The following GNAI2 variants were observed in gnomAD, a reference collection of about 807,000 sequenced individuals.
The protein encoded by GNAI2 is guanine nucleotide-binding protein G(i) subunit alpha-2.
A neutral mutation model predicts 36.8 loss-of-function variants in GNAI2; 4 were observed. That is an observed-to-expected ratio of 0.11 (90% CI 0.05 to 0.25). The LOEUF (loss-of-function observed/expected upper bound fraction) is 0.25, where lower values mean the gene tolerates loss of function less well. Ranked by LOEUF, GNAI2 falls within the 10% of genes least tolerant of loss-of-function variation. The pLI is 1.00. For synonymous variants in GNAI2, 194 were observed against 194.1 expected, an observed-to-expected ratio of 1.00 and a Z score of 0.01; for missense variants, 230 against 481.3, an observed-to-expected ratio of 0.48 and a Z score of 4.89.
rs1184861339 is a variant in GNAI2, at chr3:50,252,559, C to G, written c.303+21C>G. ...GAGCGGTATGTGCCCTCCGCCCCACCCTCTCCCACCTCCCAAAAGGTTTCG... is the reference window on the plus strand; with the variant it reads ...GAGCGGTATGTGCCCTCCGCCCCACGCTCTCCCACCTCCCAAAAGGTTTCG... On this transcript the variant is annotated intron_variant, in intron 3 of 8. Coordinates refer to ENST00000313601, the MANE Select transcript of GNAI2 (RefSeq NM_002070.4). The surrounding 1 kb of genome is among the most constrained non-coding windows in gnomAD (Gnocchi z 4.1). The G allele has an allele frequency of 6.9e-6, 11 of 1,599,002 alleles. No homozygotes were observed. The highest frequency in any genetic ancestry group is 1.3e-5 in the African/African-American group (1 of 74,570).
chr3:50,257,772 C>A, intron 8 of GNAI2, 58 bp downstream of exon 8: 4 of 768,324 alleles, frequency 5.2e-6, no homozygotes, highest in East Asian at 3.1e-5. Flanking sequence ...CCTGGAGCCC[C>A]AGCAGGGGGT....
intron 1 of GNAI2, 117 bp from the exon 2 acceptor site, chr3:50,251,983 G>A (rs1033775569): frequency 1.9e-6 from 2 of 1,045,008 alleles, no homozygotes; most frequent in East Asian, 5.1e-5. Context: ...CCATCTCACG[G>A]TGCAGCTGGT....
chr3:50,240,697 A>G lies in GNAI2; in HGVS notation c.118+4244A>G, dbSNP rs57687150. 7.5e-3 allele frequency among the ~76,000 whole-genome samples: 1,147 copies of G among 152,204 alleles called. 25 individuals carry two copies. The highest frequency in any genetic ancestry group is 0.026 in the African/African-American group (1,068 of 41,522). On this transcript the variant is annotated intron_variant, in intron 1 of 8. Transcript: ENST00000313601. The stretch of plus-strand genomic sequence containing the variant: ...TTTGGGAGGTTGAGGCAGGCAGATC[A>G]CCTGAGGTCAGGAGTTCAAGACCAG...
Position 50,252,523 on chromosome 3 carries a change from C to T in GNAI2, c.288C>T (p.Ala96=), listed in dbSNP as rs782375372. 1.1e-5 allele frequency: 17 copies of T among 1,613,210 alleles called. No homozygotes were observed. Among genetic ancestry groups the T allele is most frequent in the East Asian group, 2.2e-5 (1 of 44,866 alleles). The change falls in exon 3 of 9, where the codon GCC becomes GCT. Residue 96 remains alanine (A), a synonymous_variant. Transcript: ENST00000313601. This position sits in a 1 kb window ranked among gnomAD's most constrained non-coding sequence, Gnocchi z 4.1. ...TGGGCAACCTGCAGATCGACTTTGC[C>T]GACCCCTCCAGAGCGGTATGTGCCC... ...KAMGNLQIDF[A]DPSRADDARQ...
upstream of GNAI2, among the ~76,000 whole-genome samples, chr3:50,228,550 C>CAAA (rs587623155): frequency 1.1e-5 from 1 of 94,808 alleles, no homozygotes; most frequent in African/African-American, 3.4e-5. Context: ...ACTCCGTCTC[C>CAAA]AAAAAAAAAA....
In GNAI2 at chr3:50,236,519, C is replaced by T. The variant is rs782720927; in HGVS notation, c.118+66C>T. 199 of 1,537,504 alleles carry T rather than the reference C, an allele frequency of 1.3e-4. No individual in the cohort carries two copies. The highest frequency in any genetic ancestry group is 1.7e-4 in the Non-Finnish European group (195 of 1,149,134). ...CGAATCCCCAGACAAGGACTTTGAC[C>T]TCCCAGACTAGGGCTTCAAACTCCC... On this transcript the variant is annotated intron_variant, in intron 1 of 8. Coordinates refer to ENST00000313601, the MANE Select transcript of GNAI2 (RefSeq NM_002070.4). The surrounding 1 kb of genome is among the most constrained non-coding windows in gnomAD (Gnocchi z 4.0).
upstream of GNAI2, chr3:50,236,086 A>C (rs1013304711): frequency 1.4e-6 from 1 of 713,448 alleles, no homozygotes; most frequent in African/African-American, 1.9e-5. This position sits in a 1 kb window ranked among gnomAD's most constrained non-coding sequence, Gnocchi z 4.0. Context: ...ACAGCCTCTA[A>C]TCTCCTCTGG....
chr3:50,235,644 T>C (rs1446884909), upstream of GNAI2, among the ~76,000 whole-genome samples: 1 of 152,044 alleles, frequency 6.6e-6, no homozygotes, highest in Non-Finnish European at 1.5e-5. Context: ...TTCGACTAGC[T>C]GCAACCCAGA....
At position 50,252,214 on chromosome 3, in the gene GNAI2, C is replaced by T. The variant is rs1559773647; in HGVS notation, c.161+72C>T. 9.4e-6 allele frequency: 14 copies of T among 1,497,298 alleles called. No individual in the cohort carries two copies. Among genetic ancestry groups the T allele is most frequent in the South Asian group, 2.3e-5 (2 of 87,930 alleles). 92.8% of individuals were successfully genotyped at this position (1,497,298 alleles called of 1,614,324 possible). ...CTTCACCCTCTGGGCCTGCACTGCC[C>T]CCGACTACAGGCCCAGCCAGTCTTA... On this transcript the variant is annotated intron_variant, in intron 2 of 8. Transcript: ENST00000313601. The surrounding 1 kb of genome is among the most constrained non-coding windows in gnomAD (Gnocchi z 4.1).
upstream of GNAI2, among the ~76,000 whole-genome samples, chr3:50,234,343 C>G (rs1553700074): frequency 6.6e-6 from 1 of 151,346 alleles, no homozygotes; most frequent in African/African-American, 2.4e-5. Flanking sequence ...AGGCGTGAGC[C>G]ACCGTGCCCG....
At chr3:50,258,059 C>G (rs1700752883) in intron 8 of GNAI2, 1 of 196,188 alleles carries the variant, frequency 5.1e-6, no homozygotes, top group African/African-American at 2.3e-5. Flanking sequence ...TGCATGCCAG[C>G]GGAGCCCAGC....
chr3:50,256,426 G>T (rs1700706237), intron 5 of GNAI2, 106 bp downstream of exon 5: 1 of 1,087,184 alleles, frequency 9.2e-7, no homozygotes, highest in African/African-American at 1.5e-5. Context: ...GGTTTTACAA[G>T]GCTCATGTGT....
upstream of GNAI2, among the ~76,000 whole-genome samples, chr3:50,234,053 G>A (rs587627845): frequency 2.0e-4 from 29 of 146,124 alleles, no homozygotes; most frequent in South Asian, 1.1e-3. Context: ...GTGCCACCAC[G>A]CCCAGCTGAT....
At position 50,259,027 on chromosome 3, in the gene GNAI2, T is replaced by C. The variant is rs1485358727; in HGVS notation, c.*684T>C. On this transcript the variant is annotated 3_prime_UTR_variant, in exon 9 of 9. Transcript: ENST00000313601. ...TCCGTGCCTTGAGTGTGTCTGCGTG[T>C]TTACACCCGTCCCTCTGCTGGCCGC... The C allele has an allele frequency of 2.1e-5, 9 of 421,250 alleles. No homozygotes were observed. The highest frequency in any genetic ancestry group is 3.7e-5 in the Non-Finnish European group (8 of 216,364). The allele number at this position is 421,250 out of a possible 1,614,324, so 26.1% of individuals were successfully genotyped here. A position where few individuals can be genotyped will look rare whatever the true frequency, so the allele number is the denominator to read the frequency against.
chr3:50,258,256 C>T (rs1486007703), intron 8 of GNAI2, 112 bp from the exon 9 acceptor site: 1 of 153,030 alleles, frequency 6.5e-6, no homozygotes, highest in East Asian at 1.9e-4. Flanking sequence ...GCAACTGTGT[C>T]CCTGGTAACA....
intron 1 of GNAI2, among the ~76,000 whole-genome samples, chr3:50,239,167 G>T (rs377005612): frequency 1.3e-5 from 2 of 152,208 alleles, no homozygotes; most frequent in African/African-American, 4.8e-5. Flanking sequence ...AAGCCAGAGT[G>T]TATGTGAGGG....
chr3:50,237,826 C>G (rs2109182979), intron 1 of GNAI2, among the ~76,000 whole-genome samples: 1 of 152,044 alleles, frequency 6.6e-6, no homozygotes. Context: ...CTGAGAAGTG[C>G]ATGGGGGGGT....
upstream of GNAI2, chr3:50,236,087 T>A (rs1553700299): frequency 1.4e-6 from 1 of 718,876 alleles, no homozygotes; most frequent in Non-Finnish European, 1.8e-6. This position sits in a 1 kb window ranked among gnomAD's most constrained non-coding sequence, Gnocchi z 4.0. Flanking sequence ...CAGCCTCTAA[T>A]CTCCTCTGGC....
chr3:50,246,005 T>C (rs7645537), intron 1 of GNAI2, among the ~76,000 whole-genome samples: 10,701 of 152,066 alleles, frequency 0.07, 1,653 homozygotes, highest in East Asian at 0.6. Flanking sequence ...GCCACACACA[T>C]GGGTGGGAGT....
Sources: allele counts gnomAD v4.1 joint callset (sites outside exome capture counted in the v4.1 genomes callset), GRCh38; gene constraint gnomAD v4.1.1; non-coding constraint Gnocchi (gnomAD v3.1); transcripts MANE v1.5; gene names NCBI Gene and HGNC (gene_info 2026-07-23, HGNC 2026-07-21).